ZNRF1: variants seen among roughly 807,000 people sequenced by gnomAD.
The protein encoded by ZNRF1 is zinc and ring finger 1, also known as E3 ubiquitin-protein ligase ZNRF1.
A neutral mutation model predicts 18.4 loss-of-function variants in ZNRF1; 3 were observed. The observed-to-expected ratio is 0.16, with a 90% CI of 0.07 to 0.42. ZNRF1 has a LOEUF of 0.42. ZNRF1 is among the 10% of genes least tolerant of loss of function. ZNRF1 has a pLI of 0.99. For missense variants in ZNRF1, 310 were observed against 329.8 expected (o/e 0.94, Z 0.47); for synonymous variants, 157 against 144.2 (o/e 1.09, Z -0.64).
At chr16:75,022,085 C>T (rs557034049) in intron 1 of ZNRF1, among the ~76,000 whole-genome samples, 133 of 152,246 alleles carry the variant, frequency 8.7e-4, no homozygotes, top group Non-Finnish European at 1.1e-3. Flanking sequence ...CCATCCGTCT[C>T]GCTCTGTTGC....
In ZNRF1 at chr16:75,106,149, G is replaced by C. The variant is rs905791721; in HGVS notation, c.627-333G>C. The C allele has an allele frequency of 1.1e-5, 3 of 284,650 alleles. No homozygotes were observed. In the Admixed American group the frequency reaches 1.2e-4, roughly 12 times the overall value. 17.6% of individuals were successfully genotyped at this position (284,650 alleles called of 1,614,324 possible). A position where few individuals can be genotyped will look rare whatever the true frequency, so the allele number is the denominator to read the frequency against. On this transcript the variant is annotated intron_variant, in intron 3 of 4. Coordinates refer to ENST00000335325, the MANE Select transcript of ZNRF1 (RefSeq NM_032268.5). ...GACTAGCTGCCCTGAGGGGTCCACCGCTCTCACCTTCTCACTGGTGGCTGC... is the reference window on the plus strand; with the variant it reads ...GACTAGCTGCCCTGAGGGGTCCACCCCTCTCACCTTCTCACTGGTGGCTGC...
At chr16:75,015,678 G>A (rs1466895933) in intron 1 of ZNRF1, among the ~76,000 whole-genome samples, 2 of 152,164 alleles carry the variant, frequency 1.3e-5, no homozygotes, top group Non-Finnish European at 2.9e-5. Flanking sequence ...GAAACTCCTG[G>A]AGTCAGATAG....
At chr16:75,015,282 C>T (rs999300779) in intron 1 of ZNRF1, among the ~76,000 whole-genome samples, 6 of 152,098 alleles carry the variant, frequency 3.9e-5, no homozygotes, top group Non-Finnish European at 5.9e-5. Context: ...TATTTAAATC[C>T]TTAATCCATG....
At chr16:75,099,094 A>G (rs2145426619) in intron 2 of ZNRF1, among the ~76,000 whole-genome samples, 1 of 152,272 alleles carries the variant, frequency 6.6e-6, no homozygotes, top group African/African-American at 2.4e-5. Flanking sequence ...TCCAGCCCCA[A>G]GGGAAGACAC....
intron 2 of ZNRF1, among the ~76,000 whole-genome samples, chr16:75,103,265 T>C (rs1221229819): frequency 6.6e-6 from 1 of 152,246 alleles, no homozygotes; most frequent in Admixed American, 6.5e-5. Flanking sequence ...CTTTTTGGGA[T>C]GGTGAGCGGG....
At chr16:75,055,106 C>T (rs1262116598) in intron 1 of ZNRF1, among the ~76,000 whole-genome samples, 1 of 152,182 alleles carries the variant, frequency 6.6e-6, no homozygotes, top group Non-Finnish European at 1.5e-5. Flanking sequence ...CCTCTCCCAA[C>T]AAGCAGGGCC....
Position 75,081,315 on chromosome 16 carries a change from C to T in ZNRF1, c.425-12257C>T, listed in dbSNP as rs112100932. Reference sequence around the variant, plus strand: ...GCACCTGCCAAGAGCGAAGCCTGACCTGCATGGCTGGTCCTACTTGGACAG... The same window carrying T: ...GCACCTGCCAAGAGCGAAGCCTGACTTGCATGGCTGGTCCTACTTGGACAG... On this transcript the variant is annotated intron_variant, in intron 1 of 4. Transcript: ENST00000335325. Among the ~76,000 whole-genome samples, 637 of 152,370 alleles carry T rather than the reference C, an allele frequency of 4.2e-3. 17 individuals are homozygous for T. Among genetic ancestry groups the T allele is most frequent in the Admixed American group, 0.039 (594 of 15,306 alleles).
chr16:75,087,732 C>CCTGCCT (rs1206495715), intron 1 of ZNRF1, among the ~76,000 whole-genome samples: 2 of 152,234 alleles, frequency 1.3e-5, no homozygotes, highest in Non-Finnish European at 2.9e-5. Flanking sequence ...GGGTACGTTC[C>CCTGCCT]CTGCCTCTGC....
intron 1 of ZNRF1, among the ~76,000 whole-genome samples, chr16:75,050,144 A>G (rs2145371933): frequency 6.6e-6 from 1 of 152,270 alleles, no homozygotes; most frequent in Middle Eastern, 3.4e-3. Flanking sequence ...ACTCTTGTGT[A>G]TTTCAATAGT....
intron 1 of ZNRF1, among the ~76,000 whole-genome samples, chr16:75,008,137 C>A (rs2034947456): frequency 6.6e-6 from 1 of 152,152 alleles, no homozygotes; most frequent in African/African-American, 2.4e-5. Context: ...CCTCAGCTTC[C>A]CAAAATACTG....
intron 2 of ZNRF1, chr16:75,095,795 A>AGTTCC: frequency 2.1e-6 from 3 of 1,458,928 alleles, no homozygotes; most frequent in East Asian, 2.5e-5. Flanking sequence ...CTGGGACGCC[A>AGTTCC]CCATGTGTCC....
At chr16:75,036,228 A>C (rs2035374385) in intron 1 of ZNRF1, among the ~76,000 whole-genome samples, 1 of 152,032 alleles carries the variant, frequency 6.6e-6, no homozygotes, top group Non-Finnish European at 1.5e-5. Context: ...GTGCCATCAC[A>C]CCTAGCTAAT....
chr16:75,068,521 A>G (rs1220050252), intron 1 of ZNRF1, among the ~76,000 whole-genome samples: 1 of 151,990 alleles, frequency 6.6e-6, no homozygotes, highest in Non-Finnish European at 1.5e-5. Context: ...TTTTTCACGG[A>G]TTGTCTACTT....
chr16:75,106,451 C>A (rs749117207), intron 3 of ZNRF1, 31 bp from the exon 4 acceptor site: 2 of 1,613,518 alleles, frequency 1.2e-6, no homozygotes, highest in South Asian at 1.1e-5. Flanking sequence ...CAGCAGGTAA[C>A]GTGGTTTCCC....
intron 2 of ZNRF1, 152 bp downstream of exon 2, chr16:75,093,819 G>T (rs147911870): frequency 4.9e-6 from 3 of 615,430 alleles, no homozygotes; most frequent in Non-Finnish European, 8.8e-6. Context: ...GAAGTGGACT[G>T]TTCTGGGAGC....
At chr16:75,093,245 C>T (rs148494524) in intron 1 of ZNRF1, among the ~76,000 whole-genome samples, 91 of 152,212 alleles carry the variant, frequency 6.0e-4, no homozygotes, top group African/African-American at 1.9e-3. Flanking sequence ...ATTAGCCAGG[C>T]GTCATGGCAG....
intron 1 of ZNRF1, among the ~76,000 whole-genome samples, chr16:75,048,410 C>T (rs1311434657): frequency 6.6e-6 from 1 of 152,138 alleles, no homozygotes. Context: ...TGGGGAGGGA[C>T]ACTATTCAGC....
chr16:75,047,550 C>T (rs932178496), intron 1 of ZNRF1, among the ~76,000 whole-genome samples: 1 of 152,218 alleles, frequency 6.6e-6, no homozygotes, highest in Non-Finnish European at 1.5e-5. Flanking sequence ...ACTTTTGTGT[C>T]TGTTTGTTTT....
intron 1 of ZNRF1, among the ~76,000 whole-genome samples, chr16:75,051,606 C>G (rs1336097670): frequency 6.6e-6 from 1 of 151,866 alleles, no homozygotes; most frequent in South Asian, 2.1e-4. Flanking sequence ...CAATCTCTAC[C>G]TCCCGGGTTC....
Sources: gnomAD v4.1 joint callset for allele counts (sites outside exome capture counted in the v4.1 genomes callset) on GRCh38, gnomAD v4.1.1 for gene constraint, MANE v1.5 for transcripts, NCBI Gene and HGNC (gene_info 2026-07-23, HGNC 2026-07-21) for gene names.